The following CDH13 variants were observed in gnomAD, a reference collection of about 807,000 sequenced individuals.
The protein encoded by CDH13 is cadherin-13.
CDH13 carries 24 observed loss-of-function variants against 63.8 expected under a neutral mutation model. The observed-to-expected ratio is 0.38, with a 90% CI of 0.27 to 0.53. The LOEUF (loss-of-function observed/expected upper bound fraction) is 0.53, where lower values mean the gene tolerates loss of function less well. Among genes scored for constraint, CDH13 ranks in the 20% least tolerant of loss-of-function variants. The pLI is 0.85. For synonymous variants in CDH13, 503 were observed against 355.3 expected, an observed-to-expected ratio of 1.42 and a Z score of -4.67; for missense variants, 1,049 against 903.1, an observed-to-expected ratio of 1.16 and a Z score of -2.07.
In CDH13 at chr16:83,024,590, A is replaced by G. The variant is rs576818609; in HGVS notation, c.158-7420A>G. Among the ~76,000 whole-genome samples, 290 of 152,290 alleles carry G rather than the reference A, an allele frequency of 1.9e-3. 1 individual carries two copies. Among genetic ancestry groups the G allele is most frequent in the Middle Eastern group, 0.017 (5 of 294 alleles). On this transcript the variant is annotated intron_variant, in intron 2 of 13. Coordinates refer to ENST00000567109, the MANE Select transcript of CDH13 (RefSeq NM_001257.5). ...CTCGGATAACTCATGCAACCTCACTAAGTCTCAGTTTCCACAGAACACCAA... is the reference window on the plus strand; with the variant it reads ...CTCGGATAACTCATGCAACCTCACTGAGTCTCAGTTTCCACAGAACACCAA...
chr16:82,671,651 T>C (rs979565149), intron 1 of CDH13, among the ~76,000 whole-genome samples: 1 of 152,178 alleles, frequency 6.6e-6, no homozygotes, highest in African/African-American at 2.4e-5. Context: ...TTTGCCCAGA[T>C]AGTGATGAAA....
chr16:83,645,985 A>G (rs879355037), intron 8 of CDH13, among the ~76,000 whole-genome samples: 14 of 152,184 alleles, frequency 9.2e-5, no homozygotes, highest in Admixed American at 1.3e-4. Flanking sequence ...AACTGGGGGA[A>G]ATGTCTGCTG....
At chr16:82,887,813 C>T (rs1185226693) in intron 2 of CDH13, among the ~76,000 whole-genome samples, 5 of 151,792 alleles carry the variant, frequency 3.3e-5, no homozygotes, top group Non-Finnish European at 7.4e-5. Flanking sequence ...CAGAGTGAGA[C>T]TCCGTCTCAG....
intron 1 of CDH13, among the ~76,000 whole-genome samples, chr16:82,628,400 C>T (rs749000222): frequency 5.3e-5 from 8 of 152,016 alleles, no homozygotes; most frequent in African/African-American, 1.4e-4. Context: ...GAGTTGGGTT[C>T]CCAGGTAGGG....
At chr16:83,000,582 T>C (rs902128349) in intron 2 of CDH13, among the ~76,000 whole-genome samples, 5 of 149,836 alleles carry the variant, frequency 3.3e-5, no homozygotes, top group African/African-American at 1.2e-4. Context: ...CTCTTTTTTT[T>C]TTTTTTTTGT....
intron 5 of CDH13, among the ~76,000 whole-genome samples, chr16:83,321,620 C>T (rs75636201): frequency 1.4e-5 from 2 of 147,268 alleles, no homozygotes; most frequent in East Asian, 2.1e-4. Flanking sequence ...GCTCCACATC[C>T]TGGGTTCACA....
chr16:82,856,346 G>C (rs1031016601), intron 1 of CDH13, among the ~76,000 whole-genome samples: 3 of 143,540 alleles, frequency 2.1e-5, no homozygotes, highest in Non-Finnish European at 3.0e-5. Context: ...CTGCACTCCA[G>C]CCTGGGCAAC....
chr16:83,326,727 T>G (rs980789205), intron 5 of CDH13, among the ~76,000 whole-genome samples: 1 of 152,168 alleles, frequency 6.6e-6, no homozygotes, highest in Admixed American at 6.5e-5. Flanking sequence ...AACAAGTCAC[T>G]AAGACACTTT....
chr16:82,680,819 C>T (rs1252111900), intron 1 of CDH13, among the ~76,000 whole-genome samples: 1 of 152,160 alleles, frequency 6.6e-6, no homozygotes, highest in Non-Finnish European at 1.5e-5. Context: ...CCAATGGAAC[C>T]AGGAGATAGA....
Position 83,544,428 on chromosome 16 carries a change from A to G in CDH13, c.960+57773A>G, listed in dbSNP as rs1159041619. The stretch of plus-strand genomic sequence containing the variant: ...TAAGTTGAAAATTATCATTAAGTCA[A>G]AAATGTATTTAATACACATAACCTG... On this transcript the variant is annotated intron_variant, in intron 7 of 13. Coordinates refer to ENST00000567109, the MANE Select transcript of CDH13 (RefSeq NM_001257.5). Among the ~76,000 whole-genome samples the G allele has an allele frequency of 2.0e-5, 3 of 152,274 alleles. No individual in the cohort carries two copies. The East Asian group carries it at 5.8e-4, about 29-fold the overall frequency.
At chr16:83,477,158 C>G (rs546039395) in intron 6 of CDH13, among the ~76,000 whole-genome samples, 1 of 152,322 alleles carries the variant, frequency 6.6e-6, no homozygotes, top group South Asian at 2.1e-4. Flanking sequence ...GAATGAAAAC[C>G]TGAAATAATC....
intron 2 of CDH13, among the ~76,000 whole-genome samples, chr16:82,896,198 A>T (rs77192805): frequency 0.079 from 11,568 of 146,442 alleles, 620 homozygotes; most frequent in Middle Eastern, 0.11. Flanking sequence ...TAACGGGTGT[A>T]TTTCCAGCAC....
intron 7 of CDH13, among the ~76,000 whole-genome samples, chr16:83,537,767 C>A (rs1175081791): frequency 4.6e-5 from 7 of 152,134 alleles, no homozygotes; most frequent in African/African-American, 1.7e-4. Context: ...ATTTTAGCCC[C>A]TTGGAAGGAA....
intron 1 of CDH13, among the ~76,000 whole-genome samples, chr16:82,656,312 CGTGTGTGTGT>C (rs111540944): frequency 2.0e-5 from 3 of 146,468 alleles, no homozygotes; most frequent in Non-Finnish European, 4.5e-5. Context: ...GAATGGTGTG[CGTGTGTGTGT>C]GTGTGTGTGT....
chr16:83,584,935 G>T (rs1257344906), intron 7 of CDH13, among the ~76,000 whole-genome samples: 1 of 152,058 alleles, frequency 6.6e-6, no homozygotes, highest in Non-Finnish European at 1.5e-5. Context: ...AAACAACCAG[G>T]TCTTAGGAGA....
intron 6 of CDH13, among the ~76,000 whole-genome samples, chr16:83,443,691 T>G: frequency 5.6e-5 from 7 of 125,668 alleles, no homozygotes; most frequent in Admixed American, 8.3e-5. Flanking sequence ...GGCAACAGAG[T>G]GCGAAGTCCC....
chr16:82,810,555 A>T (rs898369106), intron 1 of CDH13, among the ~76,000 whole-genome samples: 2 of 152,170 alleles, frequency 1.3e-5, no homozygotes, highest in African/African-American at 4.8e-5. Context: ...GTGGTGGTGT[A>T]AGTAGCGTGG....
intron 7 of CDH13, among the ~76,000 whole-genome samples, chr16:83,533,823 G>T (rs2075133108): frequency 6.6e-6 from 1 of 151,894 alleles, no homozygotes; most frequent in East Asian, 1.9e-4. Flanking sequence ...ATTTCGCCAT[G>T]TTGCCCAGGC....
chr16:82,806,600 C>A (rs1441010059), intron 1 of CDH13, among the ~76,000 whole-genome samples: 2 of 152,090 alleles, frequency 1.3e-5, no homozygotes, highest in African/African-American at 4.8e-5. Context: ...TTATTTAATT[C>A]CTGCCCAAAC....
Sources: allele counts gnomAD v4.1 joint callset (sites outside exome capture counted in the v4.1 genomes callset), GRCh38; gene constraint gnomAD v4.1.1; transcripts MANE v1.5; gene names NCBI Gene and HGNC (gene_info 2026-07-23, HGNC 2026-07-21).